DLC1: variants seen among roughly 807,000 people sequenced by gnomAD.
DLC1 encodes the protein rho GTPase-activating protein 7.
In DLC1, 54 loss-of-function variants were observed where a neutral mutation model predicts 140.3. The observed-to-expected ratio is 0.38, with a 90% CI of 0.31 to 0.48. The LOEUF (loss-of-function observed/expected upper bound fraction) is 0.48. Among genes scored for constraint, DLC1 ranks in the 20% least tolerant of loss-of-function variants. The pLI is 0.96. For synonymous variants in DLC1, 986 were observed against 728.1 expected, an observed-to-expected ratio of 1.35 and a Z score of -5.70; for missense variants, 2,536 against 1,907.0, an observed-to-expected ratio of 1.33 and a Z score of -6.14.
In DLC1 at chr8:13,100,234, C is replaced by A. The variant is rs759918879; in HGVS notation, c.2103G>T (p.Glu701Asp). The A allele has an allele frequency of 2.5e-6, 4 of 1,614,192 alleles. No individual in the cohort carries two copies. Among genetic ancestry groups the A allele is most frequent in the Admixed American group, 3.3e-5 (2 of 60,028 alleles). ...GLIISGPILQ[E>D]GMDEEKLKQL... ...GCTTCAGCTTCTCCTCATCCATCCC[C>A]TCTTGCAAGATGGGCCCGCTGATGA... The change falls in exon 9 of 18, where the codon GAG becomes GAT. Residue 701 changes from glutamate (E) to aspartate (D), a missense_variant. Physicochemically the swap from Glu to Asp is conservative, Grantham distance 45 (BLOSUM62 2). Transcript: ENST00000276297.
At chr8:13,347,946 G>A (rs1317400514) in intron 4 of DLC1, among the ~76,000 whole-genome samples, 2 of 152,012 alleles carry the variant, frequency 1.3e-5, no homozygotes, top group Non-Finnish European at 2.9e-5. Flanking sequence ...AAAATTAGCC[G>A]GGCATGGTGG....
At chr8:13,359,695 A>C (rs964838054) in intron 4 of DLC1, among the ~76,000 whole-genome samples, 3 of 152,220 alleles carry the variant, frequency 2.0e-5, no homozygotes, top group African/African-American at 7.2e-5. Flanking sequence ...AGGAATTTTC[A>C]AAGTATACTT....
At chr8:13,302,342 C>A (rs1339452541) in intron 5 of DLC1, among the ~76,000 whole-genome samples, 1 of 152,308 alleles carries the variant, frequency 6.6e-6, no homozygotes, top group East Asian at 1.9e-4. Flanking sequence ...CTAGAACATG[C>A]TGCTGTTCAG....
upstream of DLC1, among the ~76,000 whole-genome samples, chr8:13,518,252 A>C (rs969250788): frequency 6.6e-6 from 1 of 151,866 alleles, no homozygotes. Flanking sequence ...GGGATTACAG[A>C]TGCACTCCAC....
At chr8:13,277,425 T>C (rs1273456935) in intron 5 of DLC1, among the ~76,000 whole-genome samples, 1 of 152,220 alleles carries the variant, frequency 6.6e-6, no homozygotes, top group Non-Finnish European at 1.5e-5. Context: ...ATCAAGTCAC[T>C]CTAGGTTTTG....
chr8:13,338,616 C>G (rs1833901749), intron 4 of DLC1: 1 of 152,160 alleles, frequency 6.6e-6, no homozygotes, highest in Non-Finnish European at 1.5e-5. Context: ...GCTCTGATCC[C>G]TGACTCTGAG....
intron 4 of DLC1, 107 bp downstream of exon 4, chr8:13,393,446 G>A: frequency 8.0e-7 from 1 of 1,254,242 alleles, no homozygotes; most frequent in Non-Finnish European, 1.1e-6. Context: ...AAGTCACTAT[G>A]GCTAAGATTC....
chr8:13,330,987 G>C (rs924278800), intron 4 of DLC1, among the ~76,000 whole-genome samples: 1 of 152,058 alleles, frequency 6.6e-6, no homozygotes, highest in Admixed American at 6.5e-5. Flanking sequence ...ATAAAGCAAA[G>C]AATAAATCCA....
intron 1 of DLC1, among the ~76,000 whole-genome samples, chr8:13,542,481 A>G (rs35961481): frequency 0.024 from 3,631 of 152,088 alleles, 64 homozygotes; most frequent in Non-Finnish European, 0.036. Flanking sequence ...TTTTTTTCCA[A>G]AAATTGTTTT....
chr8:13,232,437 G>C (rs2583098), intron 5 of DLC1, among the ~76,000 whole-genome samples: 2 of 151,830 alleles, frequency 1.3e-5, no homozygotes, highest in East Asian at 1.9e-4. Context: ...GGGTTCAAGC[G>C]ATTCTCCTGC....
intron 4 of DLC1, among the ~76,000 whole-genome samples, chr8:13,366,651 T>C (rs995410037): frequency 5.3e-5 from 8 of 152,282 alleles, no homozygotes; most frequent in South Asian, 2.1e-4. Flanking sequence ...AGAGCAGATA[T>C]AAATTTTGGG....
At chr8:13,162,617 C>T (rs1824793582) in intron 5 of DLC1, among the ~76,000 whole-genome samples, 2 of 152,192 alleles carry the variant, frequency 1.3e-5, no homozygotes, top group South Asian at 4.1e-4. Flanking sequence ...GCCACGGCTC[C>T]CAGCCAGTAG....
intron 5 of DLC1, among the ~76,000 whole-genome samples, chr8:13,199,177 C>CTTTTTTT (rs71207132): frequency 6.5e-4 from 61 of 93,264 alleles, no homozygotes; most frequent in Non-Finnish European, 8.2e-4. Flanking sequence ...TTCTCTTTTT[C>CTTTTTTT]TTTTTTTTTT....
intron 5 of DLC1, among the ~76,000 whole-genome samples, chr8:13,179,333 C>T (rs76093545): frequency 0.023 from 3,571 of 152,046 alleles, 133 homozygotes; most frequent in African/African-American, 0.08. Flanking sequence ...TTTCTTGATG[C>T]GGGTTTTAGT....
rs145163189 is a variant in DLC1, at chr8:13,540,423, C to T, written c.-125-40227G>A. 2.0e-5 allele frequency among the ~76,000 whole-genome samples: 3 copies of T among 152,118 alleles called. No individual in the cohort carries two copies. In the East Asian group the frequency reaches 5.8e-4, roughly 29 times the overall value. The stretch of plus-strand genomic sequence containing the variant: ...TATTTTTGTGGTCTTTATGAAATTC[C>T]AGTTTTAATGAACCTCTTTAGATAT... On this transcript the variant is annotated intron_variant, in intron 1 of 1. Coordinates refer to the DLC1 transcript ENST00000631382.
chr8:13,114,906 C>T (rs1180238512), intron 6 of DLC1, among the ~76,000 whole-genome samples: 1 of 152,190 alleles, frequency 6.6e-6, no homozygotes, highest in Non-Finnish European at 1.5e-5. Context: ...GGTACGGGCA[C>T]TTTCGAAAAG....
At chr8:13,353,175 A>G (rs1389251579) in intron 4 of DLC1, among the ~76,000 whole-genome samples, 3 of 152,168 alleles carry the variant, frequency 2.0e-5, no homozygotes, top group South Asian at 2.1e-4. Context: ...GAGAAGTTAA[A>G]CCCAGGTGAG....
chr8:13,334,569 A>T (rs1224469825), intron 4 of DLC1, among the ~76,000 whole-genome samples: 1 of 152,204 alleles, frequency 6.6e-6, no homozygotes, highest in Non-Finnish European at 1.5e-5. Context: ...GACAGACATC[A>T]ATTGTCTCTG....
chr8:13,548,072 A>C (rs540453729), intron 1 of DLC1, among the ~76,000 whole-genome samples: 22 of 152,226 alleles, frequency 1.4e-4, no homozygotes, highest in African/African-American at 5.3e-4. Flanking sequence ...ACCCTGAGTT[A>C]TTTGAATGCA....
Sources: allele counts gnomAD v4.1 joint callset (sites outside exome capture counted in the v4.1 genomes callset), GRCh38; gene constraint gnomAD v4.1.1; transcripts MANE v1.5; gene names NCBI Gene and HGNC (gene_info 2026-07-23, HGNC 2026-07-21).